Variants in ZMYM2 observed in about 807,000 individuals in gnomAD.
The protein encoded by ZMYM2 is zinc finger MYM-type containing 2.
A neutral mutation model predicts 162.8 loss-of-function variants in ZMYM2; 56 were observed. The ratio of observed to expected loss-of-function variants is 0.34; its 90% CI spans 0.28 to 0.43. The LOEUF is 0.43. Among genes scored for constraint, ZMYM2 ranks in the 20% least tolerant of loss-of-function variants. The pLI is 1.00. For missense variants in ZMYM2, 1,275 were observed against 1,621.8 expected (o/e 0.79, Z 3.67); for synonymous variants, 510 against 541.6 (o/e 0.94, Z 0.81).
intron 2 of ZMYM2, among the ~76,000 whole-genome samples, chr13:19,964,727 TTCTC>T (rs1237277209): frequency 4.6e-5 from 7 of 152,190 alleles, no homozygotes; most frequent in Non-Finnish European, 7.3e-5. Flanking sequence ...ATTTTTTTTT[TTCTC>T]TCTAAGTGTT....
rs928218505 is a variant in ZMYM2 at position 20,086,919 on chromosome 13, A to G, written c.*905A>G. On this transcript the variant is annotated 3_prime_UTR_variant, in exon 25 of 25. Coordinates refer to ENST00000610343, the MANE Select transcript of ZMYM2 (RefSeq NM_197968.4). ...TAAGTATCTGAAATCCTCTTCATTT[A>G]TAGAGGTTTGATTTTTATTTCTTTT... The G allele has an allele frequency of 6.2e-5, 11 of 178,546 alleles. No individual in the cohort carries two copies. The highest frequency in any genetic ancestry group is 1.3e-4 in the Non-Finnish European group (11 of 83,234). The allele number at this position is 178,546 out of a possible 1,614,324, so 11.1% of individuals were successfully genotyped here. A position where few individuals can be genotyped will look rare whatever the true frequency, so the allele number is the denominator to read the frequency against.
At chr13:20,076,829 A>G (rs934346724) in intron 21 of ZMYM2, among the ~76,000 whole-genome samples, 6 of 150,256 alleles carry the variant, frequency 4.0e-5, no homozygotes, top group Non-Finnish European at 7.4e-5. Flanking sequence ...TTTAAGATTT[A>G]TTTTTTATTT....
chr13:20,080,174 G>A (rs1187428435), intron 21 of ZMYM2, among the ~76,000 whole-genome samples: 2 of 152,146 alleles, frequency 1.3e-5, no homozygotes, highest in African/African-American at 4.8e-5. Context: ...CCAAAAGCAG[G>A]GGAGAAACCT....
At chr13:19,995,672 C>T (rs1949965286) in intron 3 of ZMYM2, among the ~76,000 whole-genome samples, 1 of 152,158 alleles carries the variant, frequency 6.6e-6, no homozygotes. Flanking sequence ...AGCCACTGTA[C>T]CCAGCCCCCC....
chr13:19,934,410 G>A, the ZMYM2 span, among the ~76,000 whole-genome samples: 12 of 152,056 alleles, frequency 7.9e-5, no homozygotes, highest in East Asian at 2.3e-3. Context: ...TGCCCACCTC[G>A]GCCTCCCAAA....
chr13:20,027,463 A>G lies in ZMYM2; in HGVS notation c.1851+145A>G, dbSNP rs562337317. The G allele has an allele frequency of 2.5e-5, 15 of 588,786 alleles. No homozygotes were observed. In the South Asian group the frequency reaches 4.3e-4, roughly 17 times the overall value. The allele number at this position is 588,786 out of a possible 1,614,324, so 36.5% of individuals were successfully genotyped here. A position where few individuals can be genotyped will look rare whatever the true frequency, so the allele number is the denominator to read the frequency against. On this transcript the variant is annotated intron_variant, in intron 9 of 24. Transcript: ENST00000610343. ...GGAAGGTGGATATCCTAGTCACAGAATATGTGGCTGTACCAGTTTTCTATT... is the reference window on the plus strand; with the variant it reads ...GGAAGGTGGATATCCTAGTCACAGAGTATGTGGCTGTACCAGTTTTCTATT...
At chr13:20,070,336 AT>A (rs934076025) in intron 21 of ZMYM2, 50 of 215,866 alleles carry the variant, frequency 2.3e-4, no homozygotes, top group Admixed American at 5.2e-4. Flanking sequence ...CTTTCTTAAC[AT>A]TTTTTTTTCT....
At chr13:19,913,885 A>C in the ZMYM2 span, among the ~76,000 whole-genome samples, 1 of 152,256 alleles carries the variant, frequency 6.6e-6, no homozygotes, top group African/African-American at 2.4e-5. Flanking sequence ...TGATAGAGGA[A>C]GGGAAGACTC....
chr13:19,888,661 G>A, the ZMYM2 span, among the ~76,000 whole-genome samples: 1 of 151,858 alleles, frequency 6.6e-6, no homozygotes, highest in Admixed American at 6.6e-5. Context: ...GTGTAATGGT[G>A]TGATTTCAGC....
chr13:19,921,478 T>C, the ZMYM2 span, among the ~76,000 whole-genome samples: 5 of 152,290 alleles, frequency 3.3e-5, no homozygotes, highest in East Asian at 7.7e-4. Flanking sequence ...TGCTTTTTCA[T>C]TGGCTAGCCA....
chr13:20,032,926 A>C (rs953106553), intron 10 of ZMYM2, among the ~76,000 whole-genome samples: 4 of 152,028 alleles, frequency 2.6e-5, no homozygotes, highest in African/African-American at 9.7e-5. Context: ...CATGATTTCT[A>C]AAGTACTTTG....
intron 6 of ZMYM2, among the ~76,000 whole-genome samples, chr13:20,013,372 TG>T (rs1221947325): frequency 4.6e-5 from 7 of 152,336 alleles, no homozygotes; most frequent in African/African-American, 1.7e-4. Flanking sequence ...TTTCTCTTTA[TG>T]AGTTTCATGT....
chr13:19,927,255 C>T, the ZMYM2 span, among the ~76,000 whole-genome samples: 1 of 152,130 alleles, frequency 6.6e-6, no homozygotes, highest in Non-Finnish European at 1.5e-5. Flanking sequence ...AGACCATTGC[C>T]GATAACATGC....
intron 5 of ZMYM2, 105 bp downstream of exon 5, chr13:20,005,344 A>G (rs1390674475): frequency 9.9e-6 from 8 of 808,726 alleles, no homozygotes; most frequent in South Asian, 5.8e-5. Flanking sequence ...AAAAATGAAT[A>G]TATATAAAGA....
At chr13:19,878,890 A>C in the ZMYM2 span, among the ~76,000 whole-genome samples, 1 of 152,072 alleles carries the variant, frequency 6.6e-6, no homozygotes, top group African/African-American at 2.4e-5. Flanking sequence ...CTGGAAATCA[A>C]TCTCTTATCA....
chr13:20,060,397 G>A (rs1474248792), intron 16 of ZMYM2, among the ~76,000 whole-genome samples: 1 of 152,070 alleles, frequency 6.6e-6, no homozygotes, highest in Admixed American at 6.6e-5. Flanking sequence ...AATATTTGTG[G>A]GCCATGTGCA....
chr13:20,020,582 C>T lies in ZMYM2; in HGVS notation c.1584+964C>T, dbSNP rs77424976. ...TCCCAACTCTCTTCTTCTGAGACCCCAATTCCAGATAATTCCTGCCACTTT... is the reference window on the plus strand; with the variant it reads ...TCCCAACTCTCTTCTTCTGAGACCCTAATTCCAGATAATTCCTGCCACTTT... On this transcript the variant is annotated intron_variant, in intron 7 of 24. Coordinates refer to ENST00000610343, the MANE Select transcript of ZMYM2 (RefSeq NM_197968.4). Among the ~76,000 whole-genome samples, 920 of 152,244 alleles carry T rather than the reference C, an allele frequency of 6.0e-3. 4 individuals are homozygous for T. The highest frequency in any genetic ancestry group is 9.2e-3 in the Non-Finnish European group (625 of 68,008).
rs575063067 is a variant in ZMYM2, at chr13:20,049,126, A to G, written c.2293-2307A>G. On this transcript the variant is annotated intron_variant, in intron 12 of 24. Coordinates refer to ENST00000610343, the MANE Select transcript of ZMYM2 (RefSeq NM_197968.4). ...AGAAACAAAAGTTCACAACCTCCAA[A>G]ATTTTGATTATGGCATTAAAGTTGG... Among the ~76,000 whole-genome samples, 5 of 151,938 alleles carry G rather than the reference A, an allele frequency of 3.3e-5. No individual in the cohort carries two copies. In the South Asian group the frequency reaches 1.0e-3, roughly 32 times the overall value.
chr13:20,052,252 T>C (rs748409214), intron 13 of ZMYM2, 25 bp from the exon 14 acceptor site: 3 of 1,537,950 alleles, frequency 2.0e-6, no homozygotes, highest in Non-Finnish European at 1.8e-6. Context: ...ATTTGTCTTA[T>C]TTTAAATTTT....
Sources: allele counts gnomAD v4.1 joint callset (sites outside exome capture counted in the v4.1 genomes callset), GRCh38; gene constraint gnomAD v4.1.1; transcripts MANE v1.5; gene names NCBI Gene and HGNC (gene_info 2026-07-23, HGNC 2026-07-21).